CIITA: variants seen among roughly 807,000 people sequenced by gnomAD.
CIITA encodes class II major histocompatibility complex transactivator, also known as MHC class II transactivator.
A neutral mutation model predicts 115.1 loss-of-function variants in CIITA; 72 were observed. That is an observed-to-expected ratio of 0.63 (90% confidence interval 0.52 to 0.76). CIITA has a LOEUF of 0.76. Among genes scored for constraint, CIITA ranks in the 30% least tolerant of loss-of-function variants. CIITA has a pLI of 0.00. For missense variants in CIITA, 1,617 were observed against 1,463.8 expected (o/e 1.10, Z -1.71); for synonymous variants, 763 against 635.6 (o/e 1.20, Z -3.02).
At chr16:10,885,872 A>G (rs1297932576) in intron 1 of CIITA, among the ~76,000 whole-genome samples, 1 of 151,552 alleles carries the variant, frequency 6.6e-6, no homozygotes, top group Non-Finnish European at 1.5e-5. Flanking sequence ...TTTCTTTTCA[A>G]CCCCTGGGCC....
At chr16:10,877,103 C>A (rs148052696), upstream of CIITA, 5 of 612,938 alleles carry the variant, frequency 8.2e-6, no homozygotes, top group East Asian at 1.1e-4. Flanking sequence ...GAAATCTGAC[C>A]GCTTGGGGCC....
At chr16:10,921,531 T>C (rs1243932474) in intron 16 of CIITA, among the ~76,000 whole-genome samples, 1 of 152,208 alleles carries the variant, frequency 6.6e-6, no homozygotes, top group African/African-American at 2.4e-5. Context: ...TATATCAGCA[T>C]TGATTCATTT....
chr16:10,915,244 C>G (rs1162554874), intron 13 of CIITA, among the ~76,000 whole-genome samples: 1 of 151,898 alleles, frequency 6.6e-6, no homozygotes, highest in Admixed American at 6.6e-5. Flanking sequence ...GAGACTGAGT[C>G]TCACTATGTT....
Position 10,929,421 on chromosome 16 carries a change from T to C in CIITA, c.*5566T>C. The C allele has an allele frequency of 3.0e-6, 3 of 985,870 alleles. No homozygotes were observed. The highest frequency in any genetic ancestry group is 3.6e-6 in the Non-Finnish European group (3 of 829,940). The allele number at this position is 985,870 out of a possible 1,614,324, so 61.1% of individuals were successfully genotyped here. A position where few individuals can be genotyped will look rare whatever the true frequency, so the allele number is the denominator to read the frequency against. On this transcript the variant is annotated 3_prime_UTR_variant, in exon 20 of 20. Transcript: ENST00000324288. The surrounding 1 kb of genome is among the most constrained non-coding windows in gnomAD (Gnocchi z 4.3). ...TTTGACACTGCAGGCAGATGAGGTC[T>C]TGGGATGCCTCTTGCGTTCCCCCTT...
chr16:10,905,807 CAA>C (rs1289696282), intron 10 of CIITA, among the ~76,000 whole-genome samples: 1 of 150,384 alleles, frequency 6.6e-6, no homozygotes, highest in Non-Finnish European at 1.5e-5. Flanking sequence ...GACACTTAAA[CAA>C]GAGAGACGAT....
chr16:10,898,674 A>G lies in CIITA; in HGVS notation c.300A>G (p.Glu100=), dbSNP rs578099843. ...CGCTTTTCCTTGTCTGGGCAGCGGA[A>G]CTGGACCAGTATGTCTTCCAGGACT... ...ETREAYANIA[E]LDQYVFQDSQ... The change falls in exon 4 of 20, where the codon GAA becomes GAG. Residue 100 remains glutamate (E), a synonymous_variant. Transcript: ENST00000324288. 33 of 1,609,718 alleles carry G rather than the reference A, an allele frequency of 2.1e-5. No homozygotes were observed. In the African/African-American group the frequency reaches 3.9e-4, roughly 19 times the overall value.
At chr16:10,876,619 A>G (rs12596540), upstream of CIITA, among the ~76,000 whole-genome samples, 35,616 of 152,122 alleles carry the variant, frequency 0.23, 4,697 homozygotes, top group East Asian at 0.58. Flanking sequence ...ATTTAGCATC[A>G]CTTTGGCGGG....
At chr16:10,899,863 T>A (rs1289474105) in intron 5 of CIITA, among the ~76,000 whole-genome samples, 24 of 152,162 alleles carry the variant, frequency 1.6e-4, no homozygotes, top group Non-Finnish European at 1.5e-5. Flanking sequence ...ACGGATCACT[T>A]GAGGTCAGGA....
chr16:10,906,821 C>G lies in CIITA; in HGVS notation c.1329C>G (p.Pro443=), dbSNP rs2039192663. 1.2e-6 allele frequency: 2 copies of G among 1,612,870 alleles called. No homozygotes were observed. Among genetic ancestry groups the G allele is most frequent in the Non-Finnish European group, 1.7e-6 (2 of 1,180,040 alleles). The change falls in exon 11 of 20, where the codon CCC becomes CCG. Residue 443 remains proline (P), a synonymous_variant. Transcript: ENST00000324288. ...GGGCCTGGGCTTGTGGCCGGCTTCCCCAGTACGACTTTGTCTTCTCTGTCC... is the reference window on the plus strand; with the variant it reads ...GGGCCTGGGCTTGTGGCCGGCTTCCGCAGTACGACTTTGTCTTCTCTGTCC... ...VSRAWACGRL[P]QYDFVFSVPC...
At chr16:10,866,388 G>C (rs8059450) in intron 1 of CIITA, 1 of 566,802 alleles carries the variant, frequency 1.8e-6, no homozygotes, top group Non-Finnish European at 3.5e-6. Context: ...TGCTGAAGGA[G>C]GACCTCCTCT....
intron 14 of CIITA, 47 bp downstream of exon 14, chr16:10,915,697 T>TGA: frequency 6.6e-7 from 1 of 1,520,516 alleles, no homozygotes; most frequent in Non-Finnish European, 9.1e-7. Flanking sequence ...CTGGGTGCAG[T>TGA]GCTGTGATCA....
intron 15 of CIITA, chr16:10,916,750 A>G: frequency 2.1e-6 from 1 of 478,092 alleles, no homozygotes; most frequent in South Asian, 2.1e-5. Context: ...CCTTCCATTC[A>G]ATGATTCATC....
chr16:10,923,411 G>A lies in CIITA; in HGVS notation c.*22+86G>A. 1 of 1,067,634 alleles carries A rather than the reference G, an allele frequency of 9.4e-7. No individual in the cohort carries two copies. Among genetic ancestry groups the A allele is most frequent in the African/African-American group, 1.5e-5 (1 of 64,518 alleles). The allele number at this position is 1,067,634 out of a possible 1,614,324, so 66.1% of individuals were successfully genotyped here. A position where few individuals can be genotyped will look rare whatever the true frequency, so the allele number is the denominator to read the frequency against. On this transcript the variant is annotated intron_variant, in intron 19 of 19. Coordinates refer to ENST00000324288, the MANE Select transcript of CIITA (RefSeq NM_000246.4). The surrounding 1 kb of genome is among the most constrained non-coding windows in gnomAD (Gnocchi z 5.2). Reference sequence around the variant, plus strand: ...AGGTGGCATTCAAAAAATGTGGGCGGGACACAGGTGGGGCTAGGCCACCAC... The same window carrying A: ...AGGTGGCATTCAAAAAATGTGGGCGAGACACAGGTGGGGCTAGGCCACCAC...
intron 1 of CIITA, among the ~76,000 whole-genome samples, chr16:10,871,095 G>A (rs1012657598): frequency 6.6e-6 from 1 of 152,216 alleles, no homozygotes; most frequent in Non-Finnish European, 1.5e-5. Flanking sequence ...CCAATTCCAA[G>A]AGGTATGACT....
chr16:10,899,357 T>C (rs1047379047), intron 5 of CIITA, among the ~76,000 whole-genome samples: 1 of 152,046 alleles, frequency 6.6e-6, no homozygotes, highest in African/African-American at 2.4e-5. Flanking sequence ...GGAATGCCCT[T>C]CCCCCAGTTC....
At chr16:10,902,566 AG>A (rs35407222) in intron 7 of CIITA, 91 bp from the exon 8 acceptor site, 4 of 1,529,682 alleles carry the variant, frequency 2.6e-6, no homozygotes, top group Non-Finnish European at 3.6e-6. Flanking sequence ...AGGGCCCTTT[AG>A]GGGGGTCAGA....
rs2040673907 is a variant in CIITA, at chr16:10,929,320, G to C, written c.*5465G>C. On this transcript the variant is annotated 3_prime_UTR_variant, in exon 20 of 20. Coordinates refer to ENST00000324288, the MANE Select transcript of CIITA (RefSeq NM_000246.4). This position sits in a 1 kb window ranked among gnomAD's most constrained non-coding sequence, Gnocchi z 4.3. The stretch of plus-strand genomic sequence containing the variant: ...GGTGCGCTCCGGGATGAAGTGCAGG[G>C]AGGCAAACTCTGGCTGGGTTCCTGT... 2.0e-6 allele frequency: 2 copies of C among 985,826 alleles called. No homozygotes were observed. The highest frequency in any genetic ancestry group is 2.4e-6 in the Non-Finnish European group (2 of 829,978). 61.1% of individuals were successfully genotyped at this position (985,826 alleles called of 1,614,324 possible).
At chr16:10,921,297 C>A (rs752643847) in intron 16 of CIITA, among the ~76,000 whole-genome samples, 5 of 152,190 alleles carry the variant, frequency 3.3e-5, no homozygotes, top group Non-Finnish European at 5.9e-5. Flanking sequence ...CTGAAGTTGG[C>A]ATCAGTGACA....
intron 3 of CIITA, 113 bp downstream of exon 3, chr16:10,895,877 C>T: frequency 1.9e-6 from 2 of 1,035,488 alleles, no homozygotes; most frequent in Non-Finnish European, 3.0e-6. Context: ...CCACAGAAAT[C>T]ATTGCAAGGG....
Sources: gnomAD v4.1 joint callset for allele counts (sites outside exome capture counted in the v4.1 genomes callset) on GRCh38, gnomAD v4.1.1 for gene constraint, Gnocchi (gnomAD v3.1) non-coding constraint, MANE v1.5 for transcripts, NCBI Gene and HGNC (gene_info 2026-07-23, HGNC 2026-07-21) for gene names.